MACROD2: variants seen among roughly 807,000 people sequenced by gnomAD.
The protein encoded by MACROD2 is ADP-ribose glycohydrolase MACROD2.
Under a neutral mutation model 70.4 loss-of-function variants are expected in MACROD2, and 36 were observed. The observed-to-expected ratio is 0.51, with a 90% confidence interval of 0.39 to 0.68. The LOEUF (loss-of-function observed/expected upper bound fraction) is 0.68. Ranked by LOEUF, MACROD2 falls within the 30% of genes least tolerant of loss-of-function variation. The pLI, the probability that MACROD2 is intolerant of heterozygous loss-of-function variation, is 0.00. For synonymous variants in MACROD2, 172 were observed against 178.8 expected (o/e 0.96, Z 0.30); for missense variants, 496 against 538.4 (o/e 0.92, Z 0.78).
rs371088128 is a variant in MACROD2, at chr20:15,183,537, A to C, written c.419-46403A>C. On this transcript the variant is annotated intron_variant, in intron 5 of 17. Transcript: ENST00000684519. ...AAATAGATCTTATTTACTATATTGCACTCGGATAGTTATTCTGGATTATCC... is the reference window on the plus strand; with the variant it reads ...AAATAGATCTTATTTACTATATTGCCCTCGGATAGTTATTCTGGATTATCC... Among the ~76,000 whole-genome samples the C allele has an allele frequency of 1.7e-3, 257 of 152,040 alleles. 1 individual carries two copies. Among genetic ancestry groups the C allele is most frequent in the South Asian group, 0.017 (80 of 4,804 alleles).
At chr20:15,973,912 T>C (rs1019579683) in intron 13 of MACROD2, among the ~76,000 whole-genome samples, 4 of 152,170 alleles carry the variant, frequency 2.6e-5, no homozygotes, top group African/African-American at 9.7e-5. Context: ...GCTTTTTGTG[T>C]CAGATGATAT....
chr20:14,847,164 AT>A, intron 5 of MACROD2, among the ~76,000 whole-genome samples: 1 of 152,296 alleles, frequency 6.6e-6, no homozygotes, highest in South Asian at 2.1e-4. Context: ...TGTAACATTA[AT>A]TTTTAAAAGT....
chr20:14,118,842 ATTTTT>A (rs1225541555), intron 3 of MACROD2, among the ~76,000 whole-genome samples: 3 of 121,234 alleles, frequency 2.5e-5, no homozygotes, highest in African/African-American at 9.2e-5. Flanking sequence ...AGTGACTGTG[ATTTTT>A]TTTTTTTTTT....
chr20:15,338,537 G>C (rs2078074052), intron 6 of MACROD2, among the ~76,000 whole-genome samples: 1 of 151,588 alleles, frequency 6.6e-6, no homozygotes, highest in South Asian at 2.1e-4. Context: ...AGGATGCTAA[G>C]AAGCATCACT....
At chr20:15,579,505 TA>T (rs2048495159) in intron 8 of MACROD2, among the ~76,000 whole-genome samples, 1 of 152,182 alleles carries the variant, frequency 6.6e-6, no homozygotes, top group African/African-American at 2.4e-5. Context: ...CAGCATTTCA[TA>T]TGGTGAAGCT....
chr20:15,027,042 A>G (rs370147116), intron 5 of MACROD2, among the ~76,000 whole-genome samples: 26 of 152,126 alleles, frequency 1.7e-4, no homozygotes, highest in African/African-American at 6.3e-4. Flanking sequence ...TCAAAATTGA[A>G]CACCTGGCAA....
intron 3 of MACROD2, among the ~76,000 whole-genome samples, chr20:14,286,928 G>A (rs1372234700): frequency 1.3e-5 from 2 of 152,126 alleles, no homozygotes; most frequent in Non-Finnish European, 2.9e-5. Flanking sequence ...CTTTCACTCT[G>A]ACATTATTCT....
At chr20:15,080,180 C>T (rs2075692671) in intron 5 of MACROD2, among the ~76,000 whole-genome samples, 1 of 151,864 alleles carries the variant, frequency 6.6e-6, no homozygotes, top group Admixed American at 6.6e-5. Context: ...CTCCTGTGTC[C>T]CCTCTTCAGC....
At chr20:14,800,276 AAG>A (rs1225549219) in intron 5 of MACROD2, among the ~76,000 whole-genome samples, 2 of 152,108 alleles carry the variant, frequency 1.3e-5, no homozygotes, top group Non-Finnish European at 2.9e-5. Context: ...CTATGTCTAA[AAG>A]AGAGAATTTA....
At chr20:15,384,688 T>C (rs773365890) in intron 6 of MACROD2, among the ~76,000 whole-genome samples, 5 of 152,182 alleles carry the variant, frequency 3.3e-5, no homozygotes, top group African/African-American at 4.8e-5. Flanking sequence ...AAATAGTGTA[T>C]TTATATATAC....
rs6043669 is a variant in MACROD2, at chr20:16,009,807, C to T, written c.1153+22649C>T. Among the ~76,000 whole-genome samples the T allele has an allele frequency of 6.2e-3, 948 of 152,082 alleles. 11 individuals carry two copies. The highest frequency in any genetic ancestry group is 0.021 in the African/African-American group (886 of 41,482). On this transcript the variant is annotated intron_variant, in intron 15 of 17. Coordinates refer to ENST00000684519, the MANE Select transcript of MACROD2 (RefSeq NM_001351661.2). ...AATATGGAGCAGGAGACAGAAACAC[C>T]GCCTCCTGCCTTGCTCTGTAACATT... is the stretch of plus-strand genomic sequence containing the variant.
At chr20:14,891,287 G>C (rs535037960) in intron 5 of MACROD2, among the ~76,000 whole-genome samples, 1 of 151,948 alleles carries the variant, frequency 6.6e-6, no homozygotes, top group African/African-American at 2.4e-5. Flanking sequence ...TAACAGATAA[G>C]CACTTTAGAA....
intron 5 of MACROD2, among the ~76,000 whole-genome samples, chr20:14,934,563 G>A (rs538079392): frequency 2.0e-5 from 3 of 152,248 alleles, no homozygotes; most frequent in South Asian, 4.2e-4. Context: ...GAGGCGGGTC[G>A]ATCACTTGAG....
intron 2 of MACROD2, among the ~76,000 whole-genome samples, chr20:14,077,894 C>CTTTTTTTTT (rs58677755): frequency 8.3e-6 from 1 of 120,502 alleles, no homozygotes; most frequent in Non-Finnish European, 1.8e-5. Flanking sequence ...AAAGGTTTTT[C>CTTTTTTTTT]TTTTTTTTTT....
At position 14,789,988 on chromosome 20, in the gene MACROD2, A is replaced by G. The variant is rs185108894; in HGVS notation, c.418+105029A>G. On this transcript the variant is annotated intron_variant, in intron 5 of 17. Coordinates refer to ENST00000684519, the MANE Select transcript of MACROD2 (RefSeq NM_001351661.2). ...CATTTTCTATTAGAAAAATGTAAAT[A>G]TGTAAATGATTACTTAGGATGCTAA... 2.0e-5 allele frequency among the ~76,000 whole-genome samples: 3 copies of G among 152,274 alleles called. No individual in the cohort carries two copies. The East Asian group carries it at 5.8e-4, about 29-fold the overall frequency.
chr20:14,705,915 CCT>C lies in MACROD2; in HGVS notation c.418+20965_418+20966del, dbSNP rs372439602. On this transcript the variant is annotated intron_variant, in intron 5 of 17. Transcript: ENST00000684519. ...TTCCTCTCTCTCTTTTTCTTCTCTT[CCT>C]CTCTCTCTTTTTCTTCTCTTGTACA... Among the ~76,000 whole-genome samples the C allele has an allele frequency of 1.5e-4, 23 of 151,878 alleles. No individual in the cohort carries two copies. The South Asian group carries it at 4.1e-3, about 27-fold the overall frequency.
intron 6 of MACROD2, among the ~76,000 whole-genome samples, chr20:15,328,518 T>C (rs1366813101): frequency 6.6e-6 from 1 of 152,146 alleles, no homozygotes; most frequent in Non-Finnish European, 1.5e-5. Context: ...GAGTTCTCAT[T>C]AAGACACAGA....
At chr20:14,855,561 T>A (rs903971354) in intron 5 of MACROD2, among the ~76,000 whole-genome samples, 1 of 149,404 alleles carries the variant, frequency 6.7e-6, no homozygotes, top group Non-Finnish European at 1.5e-5. Flanking sequence ...AATAAGTCAA[T>A]TGGGGAAGAA....
chr20:14,501,987 G>A (rs776673820), intron 4 of MACROD2, among the ~76,000 whole-genome samples: 2 of 152,114 alleles, frequency 1.3e-5, no homozygotes, highest in African/African-American at 2.4e-5. Context: ...ATCTACTTGC[G>A]TTAAAGGTAA....
Sources: allele counts gnomAD v4.1 joint callset (sites outside exome capture counted in the v4.1 genomes callset), GRCh38; gene constraint gnomAD v4.1.1; transcripts MANE v1.5; gene names NCBI Gene and HGNC (gene_info 2026-07-23, HGNC 2026-07-21).